Variants in TTC39C observed in about 807,000 individuals in gnomAD.
The protein encoded by TTC39C is tetratricopeptide repeat domain 39C.
A neutral mutation model predicts 76.3 loss-of-function variants in TTC39C; 33 were observed. That is an observed-to-expected ratio of 0.43 (90% CI 0.33 to 0.58). TTC39C has a LOEUF of 0.58. TTC39C is among the 20% of genes least tolerant of loss of function. The probability of loss-of-function intolerance (pLI) is 0.04; values close to 1 mark genes in which losing one functional copy is unlikely to be tolerated. For synonymous variants in TTC39C, 254 were observed against 260.6 expected, an observed-to-expected ratio of 0.97 and a Z score of 0.24; for missense variants, 595 against 701.4, an observed-to-expected ratio of 0.85 and a Z score of 1.71.
chr18:24,079,281 T>G (rs1396076165), intron 4 of TTC39C, among the ~76,000 whole-genome samples: 2 of 152,198 alleles, frequency 1.3e-5, no homozygotes, highest in Non-Finnish European at 2.9e-5. Flanking sequence ...CTATGTAAGT[T>G]GACCTCCCCT....
At position 24,121,954 on chromosome 18, in the gene TTC39C, C is replaced by T. The variant is rs896633156; in HGVS notation, c.1187-1880C>T. 2.0e-5 allele frequency among the ~76,000 whole-genome samples: 3 copies of T among 152,186 alleles called. No individual in the cohort carries two copies. In the South Asian group the frequency reaches 6.2e-4, roughly 32 times the overall value. On this transcript the variant is annotated intron_variant, in intron 8 of 13. Coordinates refer to ENST00000317571, the MANE Select transcript of TTC39C (RefSeq NM_001135993.2). Reference sequence around the variant, plus strand: ...TCATTTTGGATTGGTGCACACTCCTCCATCTGGACCAGAGATGCCCCAGTG... The same window carrying T: ...TCATTTTGGATTGGTGCACACTCCTTCATCTGGACCAGAGATGCCCCAGTG...
chr18:24,110,129 C>T (rs1360101422), intron 6 of TTC39C, among the ~76,000 whole-genome samples: 2 of 152,214 alleles, frequency 1.3e-5, no homozygotes, highest in African/African-American at 4.8e-5. Context: ...AGTTCAGCCT[C>T]AGGTAATATG....
Position 24,132,777 on chromosome 18 carries a change from G to T in TTC39C, c.*203G>T. The T allele has an allele frequency of 2.2e-6, 1 of 456,630 alleles. No homozygotes were observed. Among genetic ancestry groups the T allele is most frequent in the Non-Finnish European group, 3.8e-6 (1 of 260,482 alleles). 28.3% of individuals were successfully genotyped at this position (456,630 alleles called of 1,614,324 possible). A position where few individuals can be genotyped will look rare whatever the true frequency, so the allele number is the denominator to read the frequency against. On this transcript the variant is annotated 3_prime_UTR_variant, in exon 14 of 14. Transcript: ENST00000317571. ...AAGTAATAATGATGTTGAGGAGGAT[G>T]ATGATGGTAATAATAACTAACCACC...
At chr18:24,045,877 A>T in intron 1 of TTC39C, among the ~76,000 whole-genome samples, 1 of 129,948 alleles carries the variant, frequency 7.7e-6, no homozygotes, top group Admixed American at 8.1e-5. Flanking sequence ...ATTTTAGGGT[A>T]CTTCCTTCTG....
rs148462423 is a variant in TTC39C at position 24,027,490 on chromosome 18, G to A, written c.167+12452G>A. 1.8e-4 allele frequency among the ~76,000 whole-genome samples: 27 copies of A among 151,290 alleles called. No individual in the cohort carries two copies. The East Asian group carries it at 5.2e-3, about 29-fold the overall frequency. ...TCTGTCTTGCAAATTATGCTCACCC[G>A]CATCTTTATTTAGGCCTAAAATAAA... On this transcript the variant is annotated intron_variant, in intron 1 of 13. Coordinates refer to ENST00000317571, the MANE Select transcript of TTC39C (RefSeq NM_001135993.2).
intron 1 of TTC39C, among the ~76,000 whole-genome samples, chr18:24,048,538 G>A (rs111313458): frequency 3.3e-5 from 5 of 152,298 alleles, no homozygotes; most frequent in African/African-American, 1.2e-4. Flanking sequence ...ATTCTGATTT[G>A]AAATTTTGAA....
chr18:24,054,257 C>T (rs1040832958), intron 1 of TTC39C, among the ~76,000 whole-genome samples: 1 of 152,128 alleles, frequency 6.6e-6, no homozygotes, highest in Non-Finnish European at 1.5e-5. Context: ...ATCACTCATT[C>T]CCACATAAGC....
intron 1 of TTC39C, among the ~76,000 whole-genome samples, chr18:24,027,466 C>T (rs546721123): frequency 6.6e-6 from 1 of 151,916 alleles, no homozygotes. Flanking sequence ...TGATATCTTT[C>T]TGTCTTGCAA....
Position 24,125,408 on chromosome 18 carries a change from T to G in TTC39C, c.1297-19T>G. On this transcript the variant is annotated intron_variant, in intron 9 of 13. Coordinates refer to ENST00000317571, the MANE Select transcript of TTC39C (RefSeq NM_001135993.2). The stretch of plus-strand genomic sequence containing the variant: ...TTTGTTTTTGAAAAATGTAGCCTGT[T>G]TATTCTGACTCCTTGCAGGCAGAGC... 1.2e-6 allele frequency: 2 copies of G among 1,613,986 alleles called. No individual in the cohort carries two copies. Among genetic ancestry groups the G allele is most frequent in the Non-Finnish European group, 1.7e-6 (2 of 1,179,980 alleles).
At chr18:24,092,093 A>C (rs1178499333) in intron 6 of TTC39C, among the ~76,000 whole-genome samples, 1 of 42,100 alleles carries the variant, frequency 2.4e-5, no homozygotes. Context: ...ACTCAGTCTC[A>C]AAAAAAAAAA....
At chr18:24,015,327 C>CCG in intron 1 of TTC39C, 1 of 290,246 alleles carries the variant, frequency 3.4e-6, no homozygotes, top group South Asian at 1.1e-4. Flanking sequence ...CGCCCTCCCA[C>CCG]AGACGTGCCC....
At chr18:24,124,487 G>A (rs757894061) in intron 9 of TTC39C, among the ~76,000 whole-genome samples, 2 of 152,122 alleles carry the variant, frequency 1.3e-5, no homozygotes, top group African/African-American at 4.8e-5. Flanking sequence ...GCAAATGTGT[G>A]TGTCACAGTG....
At chr18:24,033,388 T>C (rs2083696230) in intron 1 of TTC39C, among the ~76,000 whole-genome samples, 1 of 152,240 alleles carries the variant, frequency 6.6e-6, no homozygotes, top group Admixed American at 6.5e-5. Context: ...TTGACTTTGC[T>C]TTGCTTCCTC....
At position 24,125,365 on chromosome 18, in the gene TTC39C, G is replaced by A. The variant is rs935997452; in HGVS notation, c.1297-62G>A. 26 of 1,604,362 alleles carry A rather than the reference G, an allele frequency of 1.6e-5. No homozygotes were observed. In the Admixed American group the frequency reaches 4.0e-4, roughly 25 times the overall value. ...ACTGTGTGCTTTTAAAGTGTCTGAG[G>A]TATATTTTTTATTTGAATTTGTTTT... On this transcript the variant is annotated intron_variant, in intron 9 of 13. Transcript: ENST00000317571.
At chr18:24,087,581 T>TGTTTTTTTTTTG (rs1438692119) in intron 6 of TTC39C, among the ~76,000 whole-genome samples, 25 of 54,514 alleles carry the variant, frequency 4.6e-4, no homozygotes, top group East Asian at 2.6e-3. Context: ...TTTTGAGAAC[T>TGTTTTTTTTTTG]GTTTTTTTTT....
chr18:24,134,495 T>TC lies in TTC39C; in HGVS notation c.*1923dup, dbSNP rs1298252566. 6.6e-6 allele frequency: 1 copy of TC among 152,110 alleles called. No homozygotes were observed. Among genetic ancestry groups the TC allele is most frequent in the Non-Finnish European group, 1.5e-5 (1 of 68,074 alleles). The allele number at this position is 152,110 out of a possible 1,614,324, so 9.4% of individuals were successfully genotyped here. On this transcript the variant is annotated 3_prime_UTR_variant, in exon 14 of 14. Transcript: ENST00000317571. ...TTTCACCATGTTAGCCAGGATTGTC[T>TC]CCATCTCCTGACCTCGTGATCCACC...
chr18:24,016,924 G>A (rs1381184362), intron 1 of TTC39C, among the ~76,000 whole-genome samples: 1 of 152,168 alleles, frequency 6.6e-6, no homozygotes, highest in African/African-American at 2.4e-5. Context: ...AAAGAGTGAG[G>A]TGTATCTTAT....
intron 6 of TTC39C, among the ~76,000 whole-genome samples, chr18:24,090,729 C>T (rs1291321078): frequency 1.3e-5 from 2 of 148,902 alleles, no homozygotes; most frequent in Non-Finnish European, 1.5e-5. Context: ...CAGTGTGGTA[C>T]GAGCATAAGA....
At chr18:24,101,507 C>T (rs112200859) in intron 6 of TTC39C, among the ~76,000 whole-genome samples, 46 of 151,428 alleles carry the variant, frequency 3.0e-4, no homozygotes, top group African/African-American at 9.9e-4. Flanking sequence ...CGCAGTGAGT[C>T]GATATTGTGC....
Sources: gnomAD v4.1 joint callset for allele counts (sites outside exome capture counted in the v4.1 genomes callset) on GRCh38, gnomAD v4.1.1 for gene constraint, MANE v1.5 for transcripts, NCBI Gene and HGNC (gene_info 2026-07-23, HGNC 2026-07-21) for gene names.